LLGL1: variants seen among roughly 807,000 people sequenced by gnomAD.
LLGL1 encodes the protein LLGL scribble cell polarity complex component 1, also known as lethal(2) giant larvae protein homolog 1.
A neutral mutation model predicts 110.6 loss-of-function variants in LLGL1; 58 were observed. The observed-to-expected ratio is 0.52, with a 90% CI of 0.42 to 0.65. The LOEUF is 0.65. Among genes scored for constraint, LLGL1 ranks in the 30% least tolerant of loss-of-function variants. The pLI is 0.00. For missense variants in LLGL1, 1,229 were observed against 1,462.1 expected (o/e 0.84, Z 2.60); for synonymous variants, 674 against 607.2 (o/e 1.11, Z -1.62).
In LLGL1 at chr17:18,242,637, G is replaced by C. The variant is rs756597264; in HGVS notation, c.3116+9G>C. 54 of 1,602,012 alleles carry C rather than the reference G, an allele frequency of 3.4e-5. No individual in the cohort carries two copies. Among genetic ancestry groups the C allele is most frequent in the Non-Finnish European group, 4.5e-5 (53 of 1,174,038 alleles). ...GTGAAGGATTTCCTGGGGTGAGGCTGGTGGGCAGGTCCACAGGGGGGGCTG... is the reference window on the plus strand; with the variant it reads ...GTGAAGGATTTCCTGGGGTGAGGCTCGTGGGCAGGTCCACAGGGGGGGCTG... On this transcript the variant is annotated intron_variant, in intron 21 of 22. Coordinates refer to ENST00000316843, the MANE Select transcript of LLGL1 (RefSeq NM_004140.4).
intron 13 of LLGL1, 26 bp downstream of exon 13, chr17:18,236,965 G>A: frequency 3.8e-6 from 6 of 1,572,682 alleles, no homozygotes; most frequent in Non-Finnish European, 5.2e-6. Context: ...CCCTGGGTTG[G>A]AGATGTCAGG....
rs902971774 is a variant in LLGL1 at position 18,240,828 on chromosome 17, G to A, written c.2457G>A (p.Met819Ile). 1.3e-6 allele frequency: 2 copies of A among 1,568,576 alleles called. No homozygotes were observed. The highest frequency in any genetic ancestry group is 1.7e-6 in the Non-Finnish European group (2 of 1,154,034). ...ASRDLAQAPDMQGGHAVLIAS... is the reference protein window; with the variant it reads ...ASRDLAQAPDIQGGHAVLIAS... Reference sequence around the variant, plus strand: ...GGGACCTGGCGCAGGCACCTGACATGCAGGGTGGTCACGCTGTGCTCATCG... The same window carrying A: ...GGGACCTGGCGCAGGCACCTGACATACAGGGTGGTCACGCTGTGCTCATCG... Residue 819 changes from methionine to isoleucine, a missense_variant, in exon 17 of 23, where the codon ATG (methionine) becomes ATA (isoleucine). Met to Ile is a conservative substitution (Grantham distance 10, BLOSUM62 1). Coordinates refer to ENST00000316843, the MANE Select transcript of LLGL1 (RefSeq NM_004140.4). The surrounding 1 kb of genome is among the most constrained non-coding windows in gnomAD (Gnocchi z 5.3).
rs1247644251 is a variant in LLGL1 at position 18,238,621 on chromosome 17, G to A, written c.2206+12G>A. 4 of 1,607,126 alleles carry A rather than the reference G, an allele frequency of 2.5e-6. No individual in the cohort carries two copies. Among genetic ancestry groups the A allele is most frequent in the Non-Finnish European group, 3.4e-6 (4 of 1,177,716 alleles). ...ATTCCTTCGAGATGGTAAGGCAGGG[G>A]CAGGGGCAGGGACAGGGCAAGGGTT... On this transcript the variant is annotated intron_variant, in intron 16 of 22. Coordinates refer to ENST00000316843, the MANE Select transcript of LLGL1 (RefSeq NM_004140.4).
intron 2 of LLGL1, among the ~76,000 whole-genome samples, chr17:18,231,723 C>CA (rs1184398482): frequency 6.6e-6 from 1 of 152,168 alleles, no homozygotes; most frequent in African/African-American, 2.4e-5. Flanking sequence ...TGCAGTCGCA[C>CA]AGTTTTGGCT....
chr17:18,236,881 A>G lies in LLGL1; in HGVS notation c.1553A>G (p.Gln518Arg), dbSNP rs1001456408. 4 of 1,613,720 alleles carry G rather than the reference A, an allele frequency of 2.5e-6. No individual in the cohort carries two copies. The highest frequency in any genetic ancestry group is 2.7e-5 in the African/African-American group (2 of 74,892). The change falls in exon 13 of 23, where the codon CAG becomes CGG. Residue 518 changes from glutamine (Q) to arginine (R), a missense_variant. Gln to Arg is a conservative substitution (Grantham distance 43). Coordinates refer to ENST00000316843, the MANE Select transcript of LLGL1 (RefSeq NM_004140.4). The stretch of plus-strand genomic sequence containing the variant: ...AGTGACGATCCCCGGCTTGGCGTGC[A>G]GAAGGTTGCTCTCTGCAAGTATACA... ...PYSDDPRLGV[Q>R]KVALCKYTAQ...
rs748421932 is a variant in LLGL1, at chr17:18,240,864, G to A, written c.2493G>A (p.Glu831=). ...ACGCTGTGCTCATCGCATCTGAGGAGCAGTTCAAGGTGAGCCACTGTGGGC... is the reference window on the plus strand; with the variant it reads ...ACGCTGTGCTCATCGCATCTGAGGAACAGTTCAAGGTGAGCCACTGTGGGC... ...GGHAVLIASE[E]QFKVFTLPKV... Residue 831 remains glutamate (E), a synonymous_variant, in exon 17 of 23, where the codon GAG becomes GAA. Coordinates refer to ENST00000316843, the MANE Select transcript of LLGL1 (RefSeq NM_004140.4). This position sits in a 1 kb window ranked among gnomAD's most constrained non-coding sequence, Gnocchi z 5.3. The A allele has an allele frequency of 2.0e-6, 3 of 1,529,622 alleles. No homozygotes were observed. Among genetic ancestry groups the A allele is most frequent in the East Asian group, 2.5e-5 (1 of 40,716 alleles). 94.8% of individuals were successfully genotyped at this position (1,529,622 alleles called of 1,614,324 possible).
intron 22 of LLGL1, among the ~76,000 whole-genome samples, chr17:18,243,397 G>A (rs540949626): frequency 1.1e-4 from 16 of 152,280 alleles, no homozygotes; most frequent in South Asian, 2.1e-4. Context: ...GTGAGCCACC[G>A]CACCCGGCCA....
Position 18,230,051 on chromosome 17 carries a change from G to A in LLGL1, c.179+13G>A. ...GGGCTGTCAAGATGTATCCTTTGCA[G>A]GACAGGTGTTCAGGGTCTGTTCAGG... On this transcript the variant is annotated intron_variant, in intron 2 of 22. Transcript: ENST00000316843. The A allele has an allele frequency of 6.2e-7, 1 of 1,600,434 alleles. No homozygotes were observed. The highest frequency in any genetic ancestry group is 8.5e-7 in the Non-Finnish European group (1 of 1,172,792).
At chr17:18,235,736 G>C in intron 11 of LLGL1, 199 bp downstream of exon 11, 1 of 594,740 alleles carries the variant, frequency 1.7e-6, no homozygotes, top group Non-Finnish European at 3.0e-6. Flanking sequence ...CTGCCTTTTG[G>C]CCTGGAACTG....
chr17:18,241,023 C>G, intron 17 of LLGL1, 150 bp downstream of exon 17: 1 of 863,800 alleles, frequency 1.2e-6, no homozygotes, highest in Non-Finnish European at 1.7e-6. Flanking sequence ...ACACTCCCAG[C>G]CAGCAGAGAA....
intron 1 of LLGL1, among the ~76,000 whole-genome samples, chr17:18,228,448 C>A (rs1440036574): frequency 6.6e-6 from 1 of 152,168 alleles, no homozygotes; most frequent in East Asian, 1.9e-4. Context: ...TTCATAGGAT[C>A]CCTCTGGCCT....
rs780929550 is a variant in LLGL1, at chr17:18,237,791, G to A, written c.1904+18G>A. The A allele has an allele frequency of 9.4e-6, 15 of 1,588,004 alleles. No individual in the cohort carries two copies. Among genetic ancestry groups the A allele is most frequent in the Middle Eastern group, 1.9e-4 (1 of 5,262 alleles). On this transcript the variant is annotated intron_variant, in intron 14 of 22. Transcript: ENST00000316843. ...CTGGCCAGGTGTGTGGGGTGGGGCC[G>A]GCTGGGCAGTTGGAGCCCCCAGCGA... is the stretch of plus-strand genomic sequence containing the variant.
Position 18,236,622 on chromosome 17 carries a change from C to T in LLGL1, c.1368C>T (p.Thr456=), listed in dbSNP as rs531030372. Residue 456 remains threonine, a synonymous_variant, in exon 12 of 23, where the codon ACC becomes ACT. Transcript: ENST00000316843. ...CTCCCTGCAGCCATGAGGACGGCAC[C>T]GTGAGGTTCTGGGATGCCTCGGGTG... The part of the protein sequence containing the change: ...GLLLTGHEDG[T]VRFWDASGVA... 23 of 1,612,128 alleles carry T rather than the reference C, an allele frequency of 1.4e-5. No individual in the cohort carries two copies. Among genetic ancestry groups the T allele is most frequent in the South Asian group, 8.8e-5 (8 of 91,028 alleles).
chr17:18,233,865 C>G lies in LLGL1; in HGVS notation c.480C>G (p.Val160=), dbSNP rs1358780215. 2 of 1,613,876 alleles carry G rather than the reference C, an allele frequency of 1.2e-6. No homozygotes were observed. Among genetic ancestry groups the G allele is most frequent in the Non-Finnish European group, 1.7e-6 (2 of 1,180,018 alleles). Residue 160 remains valine, a synonymous_variant, in exon 5 of 23, where the codon GTC becomes GTG. Coordinates refer to ENST00000316843, the MANE Select transcript of LLGL1 (RefSeq NM_004140.4). ...CCCTGGGCACTGAGGGCAGCAGTGT[C>G]TTCTTCCTGGATGTTACCACCCTGA... ...IAALGTEGSS[V]FFLDVTTLTL... is the part of the protein sequence containing the mutation.
In LLGL1 at chr17:18,235,324, G is replaced by C. The variant is rs371458883; in HGVS notation, c.1284+12G>C. On this transcript the variant is annotated intron_variant, in intron 10 of 22. Coordinates refer to ENST00000316843, the MANE Select transcript of LLGL1 (RefSeq NM_004140.4). ...TCTCCAGTGCCTTGGTGTGTGCGGC[G>C]ATCAGGGGGGTCTTACAGGGTGGAG... 3.1e-6 allele frequency: 5 copies of C among 1,609,258 alleles called. No individual in the cohort carries two copies. Among genetic ancestry groups the C allele is most frequent in the African/African-American group, 1.3e-5 (1 of 75,042 alleles).
At position 18,240,153 on chromosome 17, in the gene LLGL1, G is replaced by A. The variant is rs1478542545; in HGVS notation, c.2207-425G>A. On this transcript the variant is annotated intron_variant, in intron 16 of 22. Coordinates refer to ENST00000316843, the MANE Select transcript of LLGL1 (RefSeq NM_004140.4). The surrounding 1 kb of genome is among the most constrained non-coding windows in gnomAD (Gnocchi z 5.3). Reference sequence around the variant, plus strand: ...CAAGGCACACCTGTCGACAGGACTAGCAAGGGGACGCAGGGGTGGAGAGAG... The same window carrying A: ...CAAGGCACACCTGTCGACAGGACTAACAAGGGGACGCAGGGGTGGAGAGAG... Among the ~76,000 whole-genome samples the A allele has an allele frequency of 6.6e-6, 1 of 152,126 alleles. No homozygotes were observed. Among genetic ancestry groups the A allele is most frequent in the African/African-American group, 2.4e-5 (1 of 41,408 alleles).
chr17:18,234,365 C>T lies in LLGL1; in HGVS notation c.807C>T (p.Gly269=). 6.2e-7 allele frequency: 1 copy of T among 1,612,144 alleles called. No individual in the cohort carries two copies. Among genetic ancestry groups the T allele is most frequent in the Non-Finnish European group, 8.5e-7 (1 of 1,179,750 alleles). The part of the protein sequence containing the change: ...GSYAVWSVDA[G]SFPTLQPTVA... ...ATGCTGTCTGGTCTGTGGATGCCGGCAGCTTCCCAACGCTGCAGCCCACGG... is the reference window on the plus strand; with the variant it reads ...ATGCTGTCTGGTCTGTGGATGCCGGTAGCTTCCCAACGCTGCAGCCCACGG... Residue 269 remains glycine, a synonymous_variant, in exon 7 of 23, where the codon GGC becomes GGT. Coordinates refer to ENST00000316843, the MANE Select transcript of LLGL1 (RefSeq NM_004140.4).
chr17:18,240,919 G>A lies in LLGL1; in HGVS notation c.2502+46G>A. On this transcript the variant is annotated intron_variant, in intron 17 of 22. Coordinates refer to ENST00000316843, the MANE Select transcript of LLGL1 (RefSeq NM_004140.4). The surrounding 1 kb of genome is among the most constrained non-coding windows in gnomAD (Gnocchi z 5.3). ...GGGGACTCTGGGGGACTCCCCTCCA[G>A]GCCCCAACCTCATGGACACCATTGG... 2 of 1,469,940 alleles carry A rather than the reference G, an allele frequency of 1.4e-6. No homozygotes were observed. Among genetic ancestry groups the A allele is most frequent in the Non-Finnish European group, 1.8e-6 (2 of 1,099,778 alleles). The allele number at this position is 1,469,940 out of a possible 1,614,324, so 91.1% of individuals were successfully genotyped here.
At position 18,241,561 on chromosome 17, in the gene LLGL1, G is replaced by C. The variant is rs761633860; in HGVS notation, c.2613G>C (p.Glu871Asp). ...ALATFASVAC[E>D]DYAETCLACL... The stretch of plus-strand genomic sequence containing the variant: ...CCACGTTTGCCAGTGTGGCCTGCGA[G>C]GACTATGCTGAGACCTGCCTGGCCT... The change falls in exon 18 of 23, where the codon GAG (glutamate) becomes GAC (aspartate). Residue 871 changes from glutamate to aspartate, a missense_variant. Physicochemically the swap from Glu to Asp is conservative, Grantham distance 45 (BLOSUM62 2). Coordinates refer to ENST00000316843, the MANE Select transcript of LLGL1 (RefSeq NM_004140.4). 8 of 1,613,842 alleles carry C rather than the reference G, an allele frequency of 5.0e-6. No individual in the cohort carries two copies. Among genetic ancestry groups the C allele is most frequent in the Non-Finnish European group, 6.8e-6 (8 of 1,180,028 alleles).
Sources: gnomAD v4.1 joint callset for allele counts (sites outside exome capture counted in the v4.1 genomes callset) on GRCh38, gnomAD v4.1.1 for gene constraint, Gnocchi (gnomAD v3.1) non-coding constraint, MANE v1.5 for transcripts, NCBI Gene and HGNC (gene_info 2026-07-23, HGNC 2026-07-21) for gene names.